Variants in GCNT1 observed in about 807,000 individuals in gnomAD.
GCNT1 encodes glucosaminyl (N-acetyl) transferase 1.
Under a neutral mutation model 26.2 loss-of-function variants are expected in GCNT1, and 16 were observed. The observed-to-expected ratio is 0.61, with a 90% CI of 0.41 to 0.93. The LOEUF (loss-of-function observed/expected upper bound fraction) is 0.93. Among genes scored for constraint, GCNT1 ranks in the 40% least tolerant of loss-of-function variants. The probability of loss-of-function intolerance (pLI) is 0.00; values close to 1 mark genes in which losing one functional copy is unlikely to be tolerated. For synonymous variants in GCNT1, 183 were observed against 190.8 expected, an observed-to-expected ratio of 0.96 and a Z score of 0.34; for missense variants, 477 against 526.7, an observed-to-expected ratio of 0.91 and a Z score of 0.92.
chr9:76,436,888 C>T (rs932952276), upstream of GCNT1, among the ~76,000 whole-genome samples: 1 of 152,000 alleles, frequency 6.6e-6, no homozygotes, highest in Non-Finnish European at 1.5e-5. Context: ...TGTTCTCACT[C>T]ATAGGTGGGA....
the GCNT1 span, chr9:76,398,630 G>T: frequency 1.2e-6 from 1 of 867,900 alleles, no homozygotes. Context: ...TGCTTTCCGC[G>T]CTACCTACAG....
chr9:76,413,668 G>GTTTTTTTT, the GCNT1 span, among the ~76,000 whole-genome samples: 7 of 84,210 alleles, frequency 8.3e-5, no homozygotes, highest in Admixed American at 2.6e-4. Context: ...TTTTTTTTTT[G>GTTTTTTTT]TTTTTTTTTT....
chr9:76,458,435 G>T (rs1444017522), upstream of GCNT1, among the ~76,000 whole-genome samples: 1 of 152,042 alleles, frequency 6.6e-6, no homozygotes, highest in African/African-American at 2.4e-5. Flanking sequence ...GCCCGCCTCG[G>T]CCTCCCAAAG....
intron 1 of GCNT1, among the ~76,000 whole-genome samples, chr9:76,428,928 G>A (rs1587406331): frequency 6.6e-6 from 1 of 152,092 alleles, no homozygotes; most frequent in South Asian, 2.1e-4. Context: ...TCAAACTCCC[G>A]ACCTCAGGTG....
In GCNT1 at chr9:76,504,596, G is replaced by T. The variant is rs1181658712; in HGVS notation, c.*928G>T. 23 of 408,900 alleles carry T rather than the reference G, an allele frequency of 5.6e-5. No individual in the cohort carries two copies. Among genetic ancestry groups the T allele is most frequent in the Admixed American group, 2.2e-4 (5 of 22,570 alleles). 25.3% of individuals were successfully genotyped at this position (408,900 alleles called of 1,614,324 possible). On this transcript the variant is annotated 3_prime_UTR_variant, in exon 4 of 4. Coordinates refer to ENST00000376730, the MANE Select transcript of GCNT1 (RefSeq NM_001490.5). ...AGGTTTGAGGGGCTGGGGAGTGGGA[G>T]GGGGGAGAAAAGGAATGTATTTAAA...
chr9:76,418,060 G>A (rs947423563), upstream of GCNT1, among the ~76,000 whole-genome samples: 2 of 152,128 alleles, frequency 1.3e-5, no homozygotes, highest in Admixed American at 1.3e-4. Context: ...ATACATTTTA[G>A]GGAGACATGA....
chr9:76,432,536 C>T (rs1008845687), intron 1 of GCNT1, among the ~76,000 whole-genome samples: 5 of 151,966 alleles, frequency 3.3e-5, no homozygotes, highest in South Asian at 4.2e-4. Flanking sequence ...GACAGGGTTT[C>T]GCCATGTTGC....
Position 76,502,618 on chromosome 9 carries a change from A to G in GCNT1, c.237A>G (p.Thr79=). 1 of 1,613,884 alleles carries G rather than the reference A, an allele frequency of 6.2e-7. No homozygotes were observed. Among genetic ancestry groups the G allele is most frequent in the Non-Finnish European group, 8.5e-7 (1 of 1,179,892 alleles). Residue 79 remains threonine, a synonymous_variant, in exon 4 of 4, where the codon ACA becomes ACG. Transcript: ENST00000376730. Reference sequence around the variant, plus strand: ...AAAAGGTAAAGCTTGAGATCCTAACAGTGAAATTTAAAAAGCGCCCTCGGT... The same window carrying G: ...AAAAGGTAAAGCTTGAGATCCTAACGGTGAAATTTAAAAAGCGCCCTCGGT... ...EIQKVKLEIL[T]VKFKKRPRWT... is the part of the protein sequence containing the mutation.
chr9:76,421,800 T>G (rs977878671), intron 1 of GCNT1, among the ~76,000 whole-genome samples: 1 of 146,608 alleles, frequency 6.8e-6, no homozygotes, highest in Non-Finnish European at 1.5e-5. Flanking sequence ...CTCAAACAAT[T>G]CTCCTTCCTC....
At chr9:76,421,348 C>G (rs938142212) in intron 1 of GCNT1, among the ~76,000 whole-genome samples, 2 of 151,978 alleles carry the variant, frequency 1.3e-5, no homozygotes, top group African/African-American at 4.8e-5. Context: ...ACCTGTAATC[C>G]TAGCATTTTC....
chr9:76,451,969 TG>T (rs368497783), intron 1 of GCNT1, among the ~76,000 whole-genome samples: 1,708 of 95,146 alleles, frequency 0.018, 10 homozygotes, highest in African/African-American at 0.05. Context: ...TTTTTTTTGT[TG>T]TTGTTGTTGT....
chr9:76,479,188 C>T (rs1183616141), intron 2 of GCNT1, among the ~76,000 whole-genome samples: 2 of 152,196 alleles, frequency 1.3e-5, no homozygotes, highest in Non-Finnish European at 2.9e-5. Flanking sequence ...GACATGAACT[C>T]ATCCTTTTTT....
intron 2 of GCNT1, among the ~76,000 whole-genome samples, chr9:76,478,248 G>A (rs181347451): frequency 2.4e-4 from 37 of 152,278 alleles, no homozygotes; most frequent in African/African-American, 6.5e-4. Context: ...CACTCTTTGC[G>A]TCCGCACTAC....
intron 1 of GCNT1, among the ~76,000 whole-genome samples, chr9:76,435,801 G>A (rs892163329): frequency 6.6e-6 from 1 of 152,024 alleles, no homozygotes; most frequent in African/African-American, 2.4e-5. Context: ...GACACAATTA[G>A]GTCCATAACA....
chr9:76,409,290 C>T, the GCNT1 span, among the ~76,000 whole-genome samples: 1 of 151,984 alleles, frequency 6.6e-6, no homozygotes, highest in African/African-American at 2.4e-5. Flanking sequence ...GTAGTGATGT[C>T]CCCTCTCTTA....
chr9:76,400,593 C>T, the GCNT1 span, among the ~76,000 whole-genome samples: 1 of 152,244 alleles, frequency 6.6e-6, no homozygotes, highest in South Asian at 2.1e-4. Flanking sequence ...CAGCTCCTGC[C>T]TCTACATTCT....
At chr9:76,430,292 G>A (rs567583641) in intron 1 of GCNT1, among the ~76,000 whole-genome samples, 2 of 152,108 alleles carry the variant, frequency 1.3e-5, no homozygotes, top group Admixed American at 1.3e-4. Flanking sequence ...AATCCGAGAA[G>A]GATTTAAAAA....
chr9:76,497,194 T>TA (rs1219175024), intron 2 of GCNT1, among the ~76,000 whole-genome samples: 3 of 152,210 alleles, frequency 2.0e-5, no homozygotes, highest in African/African-American at 7.2e-5. Context: ...ACATTTTTGT[T>TA]AATTATTTTG....
intron 2 of GCNT1, among the ~76,000 whole-genome samples, chr9:76,500,070 T>C (rs1825022250): frequency 6.6e-6 from 1 of 152,222 alleles, no homozygotes; most frequent in Non-Finnish European, 1.5e-5. Flanking sequence ...GACATTTTTA[T>C]TGACTGCTTT....
Sources: allele counts gnomAD v4.1 joint callset (sites outside exome capture counted in the v4.1 genomes callset), GRCh38; gene constraint gnomAD v4.1.1; transcripts MANE v1.5; gene names NCBI Gene and HGNC (gene_info 2026-07-23, HGNC 2026-07-21).